Variants in DLST observed in about 807,000 individuals in gnomAD.
DLST encodes the protein dihydrolipoamide S-succinyltransferase.
Under a neutral mutation model 53.1 loss-of-function variants are expected in DLST, and 17 were observed. That is an observed-to-expected ratio of 0.32 (90% CI 0.22 to 0.48). The LOEUF (loss-of-function observed/expected upper bound fraction) is 0.48. Ranked by LOEUF, DLST falls within the 20% of genes least tolerant of loss-of-function variation. The pLI is 0.99. For synonymous variants in DLST, 206 were observed against 204.8 expected, an observed-to-expected ratio of 1.01 and a Z score of -0.05; for missense variants, 512 against 583.9, an observed-to-expected ratio of 0.88 and a Z score of 1.27.
At chr14:74,885,922 T>G (rs1042313440) in intron 3 of DLST, 3 of 309,228 alleles carry the variant, frequency 9.7e-6, no homozygotes, top group African/African-American at 4.4e-5. Flanking sequence ...AGAAGGGTGC[T>G]CCTAGATATT....
intron 1 of DLST, 38 bp downstream of exon 1, chr14:74,882,054 A>G (rs1368925211): frequency 2.7e-6 from 4 of 1,491,796 alleles, no homozygotes; most frequent in Non-Finnish European, 3.5e-6. Context: ...ACGGGTGAGG[A>G]GTCTGTTGGC....
Position 74,889,283 on chromosome 14 carries a change from T to G in DLST, c.208T>G (p.Leu70Val), listed in dbSNP as rs1326915433. Residue 70 changes from leucine (L) to valine (V), a missense_variant, in exon 5 of 15, where the codon TTG becomes GTG. Physicochemically the swap from Leu to Val is conservative, Grantham distance 32. This residue lies in a region of DLST where 129 missense variants were observed against 90.9 expected (regional missense o/e 1.42). Coordinates refer to ENST00000334220, the MANE Select transcript of DLST (RefSeq NM_001933.5). The part of the protein sequence containing the change: ...FRTTAVCKDD[L>V]VTVKTPAFAE... ...TTTTGCATTTTTCCTAGAGGATGAC[T>G]TGGTTACAGTCAAAACCCCAGCGTT... The G allele has an allele frequency of 3.1e-6, 5 of 1,612,848 alleles. No individual in the cohort carries two copies. The highest frequency in any genetic ancestry group is 3.4e-6 in the Non-Finnish European group (4 of 1,179,832).
At chr14:74,885,486 C>T (rs1883670360) in intron 2 of DLST, 100 bp from the exon 3 acceptor site, 1 of 1,191,724 alleles carries the variant, frequency 8.4e-7, no homozygotes, top group African/African-American at 1.5e-5. Context: ...GTTGATCCTG[C>T]TCTGTCTCAG....
rs780715467 is a variant in DLST at position 74,898,480 on chromosome 14, A to G, written c.882A>G (p.Glu294=). Reference sequence around the variant, plus strand: ...AGGCCTCAGCCTTTGCCTTGCAGGAACAGCCTGTTGTAAATGCAGGTGAGT... The same window carrying G: ...AGGCCTCAGCCTTTGCCTTGCAGGAGCAGCCTGTTGTAAATGCAGGTGAGT... ...FVKASAFALQ[E]QPVVNAVIDD... is the part of the protein sequence containing the mutation. Residue 294 remains glutamate, a synonymous_variant, in exon 11 of 15, where the codon GAA becomes GAG. Transcript: ENST00000334220. The G allele has an allele frequency of 6.2e-7, 1 of 1,614,166 alleles. No homozygotes were observed. The highest frequency in any genetic ancestry group is 2.2e-5 in the East Asian group (1 of 44,886).
chr14:74,900,348 G>A lies in DLST; in HGVS notation c.1035G>A (p.Arg345=). ...VEAMNFADIE[R]TITELGEKAR... ...CTATGAATTTTGCAGATATTGAACG[G>A]ACCATCACTGAACTGGGAGAGAAGG... The change falls in exon 13 of 15, where the codon CGG becomes CGA. Residue 345 remains arginine (R), a synonymous_variant. Coordinates refer to ENST00000334220, the MANE Select transcript of DLST (RefSeq NM_001933.5). The A allele has an allele frequency of 6.2e-7, 1 of 1,613,910 alleles. No individual in the cohort carries two copies. The highest frequency in any genetic ancestry group is 8.5e-7 in the Non-Finnish European group (1 of 1,179,878).
chr14:74,897,938 GTTTTT>G (rs60311929), intron 10 of DLST, among the ~76,000 whole-genome samples: 10 of 136,968 alleles, frequency 7.3e-5, no homozygotes, highest in African/African-American at 2.4e-4. Context: ...ATTTGGTGGG[GTTTTT>G]TTTTTTTTTT....
chr14:74,882,287 G>A (rs920837499), intron 1 of DLST, among the ~76,000 whole-genome samples: 3 of 152,172 alleles, frequency 2.0e-5, no homozygotes, highest in Non-Finnish European at 4.4e-5. Context: ...AGCCGCGCCC[G>A]TCCAGATACT....
intron 1 of DLST, 25 bp downstream of exon 1, chr14:74,882,041 C>T: frequency 6.5e-7 from 1 of 1,531,378 alleles, no homozygotes; most frequent in South Asian, 1.2e-5. Context: ...AGCCGGGGCC[C>T]CGACGGGTGA....
At chr14:74,896,666 G>A (rs61978948) in intron 10 of DLST, among the ~76,000 whole-genome samples, 47,850 of 152,132 alleles carry the variant, frequency 0.31, 7,686 homozygotes, top group African/African-American at 0.33. Flanking sequence ...TTCATAGGAT[G>A]TAGGGGAAGG....
chr14:74,888,880 G>C (rs1428955519), intron 3 of DLST, among the ~76,000 whole-genome samples: 1 of 152,136 alleles, frequency 6.6e-6, no homozygotes, highest in Non-Finnish European at 1.5e-5. Flanking sequence ...AAGGTACCTG[G>C]GTCGTTAGGC....
chr14:74,894,028 A>G (rs1883995924), intron 9 of DLST, among the ~76,000 whole-genome samples: 1 of 152,162 alleles, frequency 6.6e-6, no homozygotes, highest in Non-Finnish European at 1.5e-5. Flanking sequence ...ACACTACACT[A>G]CATTCTTTTA....
At chr14:74,895,754 C>G (rs1884057903) in intron 10 of DLST, among the ~76,000 whole-genome samples, 2 of 152,044 alleles carry the variant, frequency 1.3e-5, no homozygotes, top group South Asian at 4.1e-4. Flanking sequence ...ACAAAAATTA[C>G]CCAGGCATGG....
intron 2 of DLST, among the ~76,000 whole-genome samples, chr14:74,884,534 G>C (rs1013226802): frequency 2.0e-5 from 3 of 152,192 alleles, no homozygotes; most frequent in Non-Finnish European, 4.4e-5. Flanking sequence ...ACTTCAGAGA[G>C]TTGTGAGACT....
In DLST at chr14:74,885,579, C is replaced by G. The variant is rs1237891864; in HGVS notation, c.98-7C>G. 1 of 1,613,960 alleles carries G rather than the reference C, an allele frequency of 6.2e-7. No individual in the cohort carries two copies. Among genetic ancestry groups the G allele is most frequent in the African/African-American group, 1.3e-5 (1 of 74,904 alleles). On this transcript the variant is annotated splice_region_variant and splice_polypyrimidine_tract_variant and intron_variant, in intron 2 of 14. Transcript: ENST00000334220. ...TTGTTGGTTAAGAGTTATTTTGTTT[C>G]TTGCAGGGGTCTCCTTATGCCAGGG...
intron 7 of DLST, among the ~76,000 whole-genome samples, chr14:74,892,507 T>C (rs1043506825): frequency 2.1e-5 from 3 of 139,548 alleles, no homozygotes; most frequent in African/African-American, 5.3e-5. Flanking sequence ...TTAAATTGCC[T>C]AGGTGTTTTT....
At chr14:74,884,615 C>T (rs1883641069) in intron 2 of DLST, among the ~76,000 whole-genome samples, 1 of 152,156 alleles carries the variant, frequency 6.6e-6, no homozygotes, top group Non-Finnish European at 1.5e-5. Context: ...ATGAAATTTG[C>T]TGTAGGATGA....
intron 10 of DLST, 144 bp downstream of exon 10, chr14:74,894,553 GT>G: frequency 1.0e-6 from 1 of 962,818 alleles, no homozygotes; most frequent in South Asian, 1.8e-5. Context: ...GTTTGTTTTT[GT>G]TTTTGTTTTT....
intron 3 of DLST, 116 bp from the exon 4 acceptor site, chr14:74,888,979 G>T: frequency 9.8e-7 from 1 of 1,020,770 alleles, no homozygotes; most frequent in Non-Finnish European, 1.5e-6. Context: ...TGACACTGAT[G>T]GACACCCCTG....
At chr14:74,888,321 T>C (rs1883779378) in intron 3 of DLST, among the ~76,000 whole-genome samples, 1 of 151,338 alleles carries the variant, frequency 6.6e-6, no homozygotes, top group African/African-American at 2.4e-5. Context: ...ACTTCCGAGT[T>C]AACCTTGTTA....
Sources: gnomAD v4.1 joint callset for allele counts (sites outside exome capture counted in the v4.1 genomes callset) on GRCh38, gnomAD v4.1.1 for gene constraint, gnomAD v4.1.1 regional missense constraint, MANE v1.5 for transcripts, NCBI Gene and HGNC (gene_info 2026-07-23, HGNC 2026-07-21) for gene names.